CA8: variants seen among roughly 807,000 people sequenced by gnomAD.
CA8 encodes the protein carbonic anhydrase 8 (inactive).
A neutral mutation model predicts 41.4 loss-of-function variants in CA8; 22 were observed. That is an observed-to-expected ratio of 0.53 (90% CI 0.38 to 0.76). CA8 has a LOEUF of 0.76. CA8 is among the 30% of genes least tolerant of loss of function. CA8 has a pLI of 0.00. For missense variants in CA8, 270 were observed against 352.8 expected, an observed-to-expected ratio of 0.77 and a Z score of 1.88; for synonymous variants, 121 against 130.6, an observed-to-expected ratio of 0.93 and a Z score of 0.50.
intron 3 of CA8, among the ~76,000 whole-genome samples, chr8:60,262,439 A>T (rs1448801895): frequency 6.6e-6 from 1 of 152,230 alleles, no homozygotes; most frequent in African/African-American, 2.4e-5. Flanking sequence ...AGCCACCAGA[A>T]CAAACACACA....
intron 3 of CA8, chr8:60,265,037 T>C (rs1354068929): frequency 6.6e-6 from 1 of 152,094 alleles, no homozygotes; most frequent in East Asian, 1.9e-4. Flanking sequence ...GAACATACTC[T>C]TACATGACAC....
chr8:60,216,331 T>C (rs904978211), intron 7 of CA8, among the ~76,000 whole-genome samples: 1 of 61,786 alleles, frequency 1.6e-5, no homozygotes, highest in African/African-American at 4.6e-5. Flanking sequence ...CTAAATTGCA[T>C]TTTAATATAC....
At chr8:60,219,160 C>T (rs1223553765) in intron 7 of CA8, among the ~76,000 whole-genome samples, 1 of 131,726 alleles carries the variant, frequency 7.6e-6, no homozygotes, top group Non-Finnish European at 1.7e-5. Context: ...TTTTGTTATT[C>T]TGCCTTTTTT....
chr8:60,221,897 G>C (rs1807264103), intron 7 of CA8, among the ~76,000 whole-genome samples: 1 of 152,158 alleles, frequency 6.6e-6, no homozygotes, highest in African/African-American at 2.4e-5. Flanking sequence ...AGCTATCAAA[G>C]AAAACTGGTT....
In CA8 at chr8:60,185,539, A is replaced by C. The variant is rs1195883356; in HGVS notation, c.*4482T>G. On this transcript the variant is annotated 3_prime_UTR_variant, in exon 9 of 9. Coordinates refer to ENST00000317995, the MANE Select transcript of CA8 (RefSeq NM_004056.6). ...ACACCCAGATACATCATAGTACGAA[A>C]TCTGGGGCAGGGGGGAAACCATTTG... 6.6e-6 allele frequency among the ~76,000 whole-genome samples: 1 copy of C among 152,130 alleles called. No homozygotes were observed. Among genetic ancestry groups the C allele is most frequent in the African/African-American group, 2.4e-5 (1 of 41,446 alleles).
chr8:60,191,983 C>T (rs777508110), intron 8 of CA8, among the ~76,000 whole-genome samples: 3 of 151,542 alleles, frequency 2.0e-5, no homozygotes, highest in Admixed American at 6.6e-5. Flanking sequence ...AATTTACCTA[C>T]GTGTAGAATC....
At chr8:60,232,023 G>A (rs746600188) in intron 4 of CA8, among the ~76,000 whole-genome samples, 1 of 152,048 alleles carries the variant, frequency 6.6e-6, no homozygotes, top group Non-Finnish European at 1.5e-5. Context: ...ACCTTCAGGA[G>A]TCATTTTCTA....
At chr8:60,192,686 ATAT>A (rs765420786) in intron 8 of CA8, among the ~76,000 whole-genome samples, 7 of 152,152 alleles carry the variant, frequency 4.6e-5, no homozygotes, top group Non-Finnish European at 7.3e-5. Flanking sequence ...GCAATTGCTA[ATAT>A]TATTTATATC....
intron 2 of CA8, 33 bp from the exon 3 acceptor site, chr8:60,266,082 G>C (rs1234837895): frequency 1.2e-6 from 2 of 1,606,574 alleles, no homozygotes; most frequent in Non-Finnish European, 1.7e-6. Flanking sequence ...CCGAATTACA[G>C]CACACATTTA....
At chr8:60,220,022 TG>T (rs1807191341) in intron 7 of CA8, among the ~76,000 whole-genome samples, 1 of 150,638 alleles carries the variant, frequency 6.6e-6, no homozygotes, top group Admixed American at 6.6e-5. Context: ...TCTAGAAAGA[TG>T]GTCTATATAT....
At chr8:60,269,465 T>C (rs1367568714) in intron 2 of CA8, among the ~76,000 whole-genome samples, 1 of 152,228 alleles carries the variant, frequency 6.6e-6, no homozygotes, top group African/African-American at 2.4e-5. Flanking sequence ...ACTGATGCCA[T>C]TGCCACAGCC....
rs1403501035 is a variant in CA8, at chr8:60,186,083, C to G, written c.*3938G>C. Among the ~76,000 whole-genome samples, 2 of 151,924 alleles carry G rather than the reference C, an allele frequency of 1.3e-5. No individual in the cohort carries two copies. Among genetic ancestry groups the G allele is most frequent in the African/African-American group, 4.8e-5 (2 of 41,388 alleles). ...CAGATGGTGACTCAAATTTACAAGA[C>G]AAAATGAACATAACCAGAAATGGTA... On this transcript the variant is annotated 3_prime_UTR_variant, in exon 9 of 9. Transcript: ENST00000317995.
At chr8:60,192,892 TATGGAGA>T (rs1806169598) in intron 8 of CA8, among the ~76,000 whole-genome samples, 1 of 151,104 alleles carries the variant, frequency 6.6e-6, no homozygotes, top group African/African-American at 2.4e-5. Flanking sequence ...AAATTTTTCC[TATGGAGA>T]ATGAAGATTT....
chr8:60,244,003 A>T (rs371010725), intron 3 of CA8, among the ~76,000 whole-genome samples: 1 of 152,176 alleles, frequency 6.6e-6, no homozygotes, highest in South Asian at 2.1e-4. Context: ...TAAACTGCCC[A>T]GTAAAATATC....
chr8:60,255,406 C>G (rs555240944), intron 3 of CA8, among the ~76,000 whole-genome samples: 1 of 152,162 alleles, frequency 6.6e-6, no homozygotes, highest in Non-Finnish European at 1.5e-5. Flanking sequence ...TTGTTCAGAA[C>G]TCAGGCTAGG....
intron 7 of CA8, among the ~76,000 whole-genome samples, chr8:60,222,316 C>T (rs917688539): frequency 3.3e-5 from 5 of 150,208 alleles, no homozygotes; most frequent in African/African-American, 9.7e-5. Context: ...ACAGAAATAA[C>T]CGGCATCCCC....
intron 3 of CA8, among the ~76,000 whole-genome samples, chr8:60,248,619 T>A (rs1808334938): frequency 6.6e-6 from 1 of 152,200 alleles, no homozygotes; most frequent in South Asian, 2.1e-4. Flanking sequence ...ATACACCTGT[T>A]TTGGTACCAG....
intron 7 of CA8, among the ~76,000 whole-genome samples, chr8:60,221,362 C>G (rs1404898999): frequency 6.6e-6 from 1 of 152,160 alleles, no homozygotes; most frequent in Non-Finnish European, 1.5e-5. Flanking sequence ...GTGTTTTAAT[C>G]TTGTTATCTT....
chr8:60,237,050 T>C (rs1047508490), intron 3 of CA8, among the ~76,000 whole-genome samples: 4 of 152,184 alleles, frequency 2.6e-5, no homozygotes, highest in Admixed American at 2.6e-4. Flanking sequence ...GTCTGGTCTA[T>C]GGAGAGGGCA....
Sources: allele counts gnomAD v4.1 joint callset (sites outside exome capture counted in the v4.1 genomes callset), GRCh38; gene constraint gnomAD v4.1.1; transcripts MANE v1.5; gene names NCBI Gene and HGNC (gene_info 2026-07-23, HGNC 2026-07-21).